CSMD2: variants seen among roughly 807,000 people sequenced by gnomAD.
CSMD2 encodes CUB and sushi domain-containing protein 2.
A neutral mutation model predicts 398.5 loss-of-function variants in CSMD2; 130 were observed. That is an observed-to-expected ratio of 0.33 (90% CI 0.28 to 0.38). CSMD2 has a LOEUF of 0.38. Among genes scored for constraint, CSMD2 ranks in the 10% least tolerant of loss-of-function variants. The pLI, the probability that CSMD2 is intolerant of heterozygous loss-of-function variation, is 1.00. For missense variants in CSMD2, 3,829 were observed against 4,764.9 expected, an observed-to-expected ratio of 0.80 and a Z score of 5.78; for synonymous variants, 1,828 against 1,908.5, an observed-to-expected ratio of 0.96 and a Z score of 1.10.
intron 4 of CSMD2, among the ~76,000 whole-genome samples, chr1:33,923,773 T>C (rs1055428218): frequency 6.6e-6 from 1 of 152,182 alleles, no homozygotes; most frequent in Non-Finnish European, 1.5e-5. Flanking sequence ...CCCTAGGCCA[T>C]GGACCGGGAC....
intron 9 of CSMD2, among the ~76,000 whole-genome samples, chr1:33,815,853 A>G (rs1419043077): frequency 6.6e-6 from 1 of 152,244 alleles, no homozygotes; most frequent in Non-Finnish European, 1.5e-5. Flanking sequence ...GTACTCTAGT[A>G]CAATCAGTAT....
chr1:33,538,838 A>G (rs1405532616), intron 60 of CSMD2, among the ~76,000 whole-genome samples: 1 of 152,232 alleles, frequency 6.6e-6, no homozygotes, highest in African/African-American at 2.4e-5. Context: ...AAACATTCTC[A>G]TTAACTGCTG....
rs138466714 is a variant in CSMD2 at position 34,038,693 on chromosome 1, C to T, written c.405-5987G>A. On this transcript the variant is annotated intron_variant, in intron 2 of 70. Coordinates refer to ENST00000373381, the MANE Select transcript of CSMD2 (RefSeq NM_001281956.2). ...TGCTCTGTCTCCTGCCTGGCTCCAG[C>T]CCCCCAGTCTTCTTTGGTCAAGGCC... Among the ~76,000 whole-genome samples the T allele has an allele frequency of 5.5e-3, 838 of 151,984 alleles. 10 individuals carry two copies. Among genetic ancestry groups the T allele is most frequent in the Middle Eastern group, 0.024 (7 of 294 alleles).
intron 13 of CSMD2, among the ~76,000 whole-genome samples, chr1:33,770,095 G>A (rs1166503332): frequency 6.6e-6 from 1 of 152,186 alleles, no homozygotes; most frequent in African/African-American, 2.4e-5. Context: ...GCTCTGTAAT[G>A]ATCCACTTTC....
At chr1:33,991,465 A>C (rs926886955) in intron 3 of CSMD2, among the ~76,000 whole-genome samples, 15 of 152,222 alleles carry the variant, frequency 9.9e-5, no homozygotes, top group Non-Finnish European at 1.8e-4. Context: ...AAAATCTTGG[A>C]AATTCTTCCA....
At position 33,519,359 on chromosome 1, in the gene CSMD2, G is replaced by A. The variant is rs149418436; in HGVS notation, c.*53+106C>T. On this transcript the variant is annotated intron_variant, in intron 70 of 70. Transcript: ENST00000373381. This position sits in a 1 kb window ranked among gnomAD's most constrained non-coding sequence, Gnocchi z 5.6. ...TCAATGCACAGCTCTCCTCTTACTGGGTGTGTCTATGTGGTGTGTGCGACT... is the reference window on the plus strand; with the variant it reads ...TCAATGCACAGCTCTCCTCTTACTGAGTGTGTCTATGTGGTGTGTGCGACT... The A allele has an allele frequency of 4.4e-3, 2,877 of 654,328 alleles. 6 individuals are homozygous for A. The highest frequency in any genetic ancestry group is 6.0e-3 in the Non-Finnish European group (2,246 of 377,174). The allele number at this position is 654,328 out of a possible 1,614,324, so 40.5% of individuals were successfully genotyped here. A position where few individuals can be genotyped will look rare whatever the true frequency, so the allele number is the denominator to read the frequency against.
intron 5 of CSMD2, among the ~76,000 whole-genome samples, chr1:33,874,550 A>C (rs1640701676): frequency 6.6e-6 from 1 of 152,228 alleles, no homozygotes; most frequent in African/African-American, 2.4e-5. Flanking sequence ...CATGTGGGCC[A>C]GAAGGCCTCC....
At chr1:34,077,629 C>G (rs767579666) in intron 2 of CSMD2, among the ~76,000 whole-genome samples, 1 of 147,804 alleles carries the variant, frequency 6.8e-6, no homozygotes, top group African/African-American at 2.5e-5. Flanking sequence ...CCCAGCTACT[C>G]GGGAGGCTGA....
rs1653722539 is a variant in CSMD2, at chr1:33,515,887, G to A, written c.*737C>T. On this transcript the variant is annotated 3_prime_UTR_variant, in exon 71 of 71. Transcript: ENST00000373381. ...TCCCAGTGCTTCCCAGGACCCAAAT[G>A]ACTTTTTAATCCACTGGGTTTAGAA... 6.6e-6 allele frequency: 1 copy of A among 152,232 alleles called. No individual in the cohort carries two copies. Among genetic ancestry groups the A allele is most frequent in the South Asian group, 2.1e-4 (1 of 4,822 alleles). 9.4% of individuals were successfully genotyped at this position (152,232 alleles called of 1,614,324 possible).
intron 29 of CSMD2, among the ~76,000 whole-genome samples, chr1:33,640,754 T>C (rs1643058786): frequency 6.6e-6 from 1 of 152,236 alleles, no homozygotes; most frequent in Non-Finnish European, 1.5e-5. Context: ...TATGCTTATA[T>C]ATTGTTTGAA....
chr1:33,879,888 G>A (rs1033766805), intron 5 of CSMD2, among the ~76,000 whole-genome samples: 5 of 152,090 alleles, frequency 3.3e-5, no homozygotes, highest in Admixed American at 6.6e-5. Context: ...TTAGCATAGC[G>A]CATCACACCT....
chr1:34,135,873 T>G (rs1304687235), intron 1 of CSMD2, among the ~76,000 whole-genome samples: 2 of 152,134 alleles, frequency 1.3e-5, no homozygotes, highest in Admixed American at 1.3e-4. Context: ...TCTGAAGTAA[T>G]TCAGAAGAAA....
Position 33,533,805 on chromosome 1 carries a change from C to A in CSMD2, c.9982G>T (p.Asp3328Tyr). The part of the protein sequence containing the change: ...PNLTWSGTPP[D>Y]CVPHHCRQPE... ...TGAAGTCTGCACTCACGGACACAGT[C>A]AGGTGGGGTTCCACTCCAGGTCAGG... The change falls in exon 63 of 71, where the codon GAC becomes TAC. Residue 3328 changes from aspartate (D) to tyrosine (Y), a missense_variant. Asp to Tyr is a radical substitution (Grantham distance 160, BLOSUM62 -3). Coordinates refer to ENST00000373381, the MANE Select transcript of CSMD2 (RefSeq NM_001281956.2). This position sits in a 1 kb window ranked among gnomAD's most constrained non-coding sequence, Gnocchi z 4.2. 1.2e-6 allele frequency: 2 copies of A among 1,610,618 alleles called. No individual in the cohort carries two copies. The highest frequency in any genetic ancestry group is 2.2e-5 in the South Asian group (2 of 90,950).
chr1:33,995,104 T>C (rs985334263), intron 3 of CSMD2, among the ~76,000 whole-genome samples: 1 of 150,816 alleles, frequency 6.6e-6, no homozygotes, highest in Non-Finnish European at 1.5e-5. Context: ...GTGTTTTCCA[T>C]GAGCTCTCAT....
At chr1:33,596,246 C>T (rs897841130) in intron 44 of CSMD2, among the ~76,000 whole-genome samples, 7 of 151,998 alleles carry the variant, frequency 4.6e-5, no homozygotes, top group Middle Eastern at 3.2e-3. Context: ...TGTGGCTGTC[C>T]GCCTTCCTCT....
chr1:33,599,991 TG>T, intron 44 of CSMD2: 1 of 610,830 alleles, frequency 1.6e-6, no homozygotes, highest in Middle Eastern at 2.8e-4. Context: ...TCTATCCACA[TG>T]GTTTTGGGCA....
At position 33,938,241 on chromosome 1, in the gene CSMD2, A is replaced by G. The variant is rs192882057; in HGVS notation, c.518-2287T>C. 3.5e-3 allele frequency among the ~76,000 whole-genome samples: 532 copies of G among 152,312 alleles called. 3 individuals carry two copies. Among genetic ancestry groups the G allele is most frequent in the African/African-American group, 0.012 (505 of 41,566 alleles). ...TTGGCCCAGCTTAGCATTTCCCATG[A>G]TCCCACACTGCTAGTTTACTTAGCA... On this transcript the variant is annotated intron_variant, in intron 3 of 70. Coordinates refer to ENST00000373381, the MANE Select transcript of CSMD2 (RefSeq NM_001281956.2).
intron 29 of CSMD2, among the ~76,000 whole-genome samples, chr1:33,638,408 A>C (rs1403104026): frequency 6.6e-6 from 1 of 152,234 alleles, no homozygotes; most frequent in African/African-American, 2.4e-5. Context: ...CACACAGCTC[A>C]TAAGAGGCAA....
In CSMD2 at chr1:33,580,754, T is replaced by G; in HGVS notation, c.7386A>C (p.Ser2462=). The G allele has an allele frequency of 6.2e-7, 1 of 1,614,108 alleles. No individual in the cohort carries two copies. Among genetic ancestry groups the G allele is most frequent in the Non-Finnish European group, 8.5e-7 (1 of 1,179,992 alleles). The change falls in exon 48 of 71, where the codon TCA becomes TCC. Residue 2462 remains serine (S), a splice_region_variant and synonymous_variant. Coordinates refer to ENST00000373381, the MANE Select transcript of CSMD2 (RefSeq NM_001281956.2). The stretch of plus-strand genomic sequence containing the variant: ...CTTATTTGTGTTTTTTTCACTCACC[T>G]GAATAGCGGATCTTGAAGCCCTTCC... ...YNRKGFKIRY[S]APYCSLPRAP...
Sources: allele counts gnomAD v4.1 joint callset (sites outside exome capture counted in the v4.1 genomes callset), GRCh38; gene constraint gnomAD v4.1.1; non-coding constraint Gnocchi (gnomAD v3.1); transcripts MANE v1.5; gene names NCBI Gene and HGNC (gene_info 2026-07-23, HGNC 2026-07-21).